Variants in WDR37 observed in about 807,000 individuals in gnomAD.
WDR37 encodes WD repeat-containing protein 37.
Under a neutral mutation model 62.9 loss-of-function variants are expected in WDR37, and 19 were observed. The observed-to-expected ratio is 0.30, with a 90% CI of 0.21 to 0.44. The LOEUF (loss-of-function observed/expected upper bound fraction) is 0.44. Ranked by LOEUF, WDR37 falls within the 20% of genes least tolerant of loss-of-function variation. The probability of loss-of-function intolerance (pLI) is 1.00; values close to 1 mark genes in which losing one functional copy is unlikely to be tolerated. For synonymous variants in WDR37, 250 were observed against 260.9 expected, an observed-to-expected ratio of 0.96 and a Z score of 0.40; for missense variants, 474 against 657.6, an observed-to-expected ratio of 0.72 and a Z score of 3.05.
chr10:1,127,955 C>T (rs780111059), intron 13 of WDR37, among the ~76,000 whole-genome samples: 9 of 152,242 alleles, frequency 5.9e-5, no homozygotes, highest in Non-Finnish European at 1.0e-4. Flanking sequence ...ACTTCTGCAG[C>T]GAATGCCTTG....
intron 9 of WDR37, among the ~76,000 whole-genome samples, chr10:1,098,133 G>A (rs1226099997): frequency 6.6e-6 from 1 of 152,138 alleles, no homozygotes; most frequent in East Asian, 1.9e-4. Context: ...CTGTGTTGAA[G>A]CCCTAACCCC....
chr10:1,071,862 T>G (rs1301565128), intron 1 of WDR37, among the ~76,000 whole-genome samples: 1 of 152,150 alleles, frequency 6.6e-6, no homozygotes. Flanking sequence ...AGCAATTTTT[T>G]TTTTAAATTT....
At chr10:1,110,206 C>T (rs1156249917) in intron 11 of WDR37, among the ~76,000 whole-genome samples, 1 of 152,176 alleles carries the variant, frequency 6.6e-6, no homozygotes, top group African/African-American at 2.4e-5. Flanking sequence ...TTGAGCTTCC[C>T]CTCACCGGCC....
intron 5 of WDR37, among the ~76,000 whole-genome samples, chr10:1,084,162 GTGGGGGAGCC>G (rs1442154528): frequency 6.6e-6 from 1 of 152,168 alleles, no homozygotes; most frequent in Non-Finnish European, 1.5e-5. Context: ...TCAGACTGAG[GTGGGGGAGCC>G]TGCACAGGTC....
intron 1 of WDR37, among the ~76,000 whole-genome samples, chr10:1,068,996 C>G (rs1041404722): frequency 4.6e-5 from 7 of 152,064 alleles, no homozygotes; most frequent in Non-Finnish European, 1.0e-4. Flanking sequence ...CAGGCAGATT[C>G]ATATGGAGAG....
intron 11 of WDR37, among the ~76,000 whole-genome samples, chr10:1,107,896 C>T (rs1292470943): frequency 6.6e-6 from 1 of 150,532 alleles, no homozygotes; most frequent in African/African-American, 2.5e-5. Context: ...TGTATTGCAG[C>T]ACTGCTGTCT....
At chr10:1,088,707 AG>A (rs927070753) in intron 7 of WDR37, among the ~76,000 whole-genome samples, 1 of 152,038 alleles carries the variant, frequency 6.6e-6, no homozygotes, top group African/African-American at 2.4e-5. Context: ...AAAAAAAAAA[AG>A]AAAAAGTTTG....
intron 9 of WDR37, among the ~76,000 whole-genome samples, chr10:1,098,517 G>C (rs1233775629): frequency 6.6e-6 from 1 of 152,082 alleles, no homozygotes; most frequent in Admixed American, 6.6e-5. Flanking sequence ...TAGTAGAGAT[G>C]GGGTTTCACC....
chr10:1,122,013 C>T (rs1835596339), intron 11 of WDR37, among the ~76,000 whole-genome samples: 1 of 152,250 alleles, frequency 6.6e-6, no homozygotes, highest in Admixed American at 6.5e-5. Context: ...TAGGACTCAG[C>T]TGGTGTCCAC....
chr10:1,102,068 G>A, intron 9 of WDR37, among the ~76,000 whole-genome samples: 1 of 150,292 alleles, frequency 6.7e-6, no homozygotes, highest in African/African-American at 2.5e-5. Flanking sequence ...GTGCGTCCAT[G>A]TGACATGTTT....
intron 12 of WDR37, 80 bp from the exon 13 acceptor site, chr10:1,124,830 T>G (rs1310284343): frequency 1.3e-6 from 2 of 1,540,232 alleles, no homozygotes; most frequent in Admixed American, 1.9e-5. Context: ...ATATGGAACC[T>G]CCTGCTTCAT....
chr10:1,084,574 C>T (rs369514210), intron 6 of WDR37, 36 bp downstream of exon 6: 45 of 1,600,666 alleles, frequency 2.8e-5, no homozygotes, highest in African/African-American at 4.0e-5. Context: ...CCTGCGGAAG[C>T]ATGGCTGTGC....
chr10:1,098,767 C>T (rs916717381), intron 9 of WDR37, among the ~76,000 whole-genome samples: 2 of 152,208 alleles, frequency 1.3e-5, no homozygotes, highest in Non-Finnish European at 1.5e-5. Flanking sequence ...TGGAAGATGA[C>T]TAATTTCTGT....
intron 7 of WDR37, among the ~76,000 whole-genome samples, chr10:1,088,908 C>T (rs565373539): frequency 2.0e-5 from 3 of 152,234 alleles, no homozygotes; most frequent in Admixed American, 6.5e-5. Context: ...CACACATAGA[C>T]GTGTACATAC....
chr10:1,089,443 T>G (rs975316575), intron 7 of WDR37, among the ~76,000 whole-genome samples: 2 of 152,122 alleles, frequency 1.3e-5, no homozygotes, highest in Admixed American at 6.5e-5. Context: ...TTTTTGCTGT[T>G]TATCTGCAGC....
In WDR37 at chr10:1,131,683, GGTGTGTGTGTGTGTGTGT is replaced by G. The variant is rs58548853; in HGVS notation, c.*2351_*2368del. 7.5e-6 allele frequency: 1 copy of G among 133,746 alleles called. No homozygotes were observed. Among genetic ancestry groups the G allele is most frequent in the African/African-American group, 2.5e-5 (1 of 39,900 alleles). 8.3% of individuals were successfully genotyped at this position (133,746 alleles called of 1,614,324 possible). A position where few individuals can be genotyped will look rare whatever the true frequency, so the allele number is the denominator to read the frequency against. On this transcript the variant is annotated 3_prime_UTR_variant, in exon 14 of 14. Transcript: ENST00000263150. ...AGGAGTCACAGACAAGATCGGGGAT[GGTGTGTGTGTGTGTGTGT>G]GTGTGTGTGTGCACGTGTGTGTGGC...
chr10:1,110,168 C>CG (rs1835166090), intron 11 of WDR37, among the ~76,000 whole-genome samples: 1 of 152,160 alleles, frequency 6.6e-6, no homozygotes, highest in Admixed American at 6.5e-5. Flanking sequence ...GTTGCTGTGT[C>CG]GGGGCGAGTC....
intron 11 of WDR37, among the ~76,000 whole-genome samples, chr10:1,112,000 CAAGCG>C (rs913189549): frequency 1.3e-5 from 2 of 151,968 alleles, no homozygotes; most frequent in African/African-American, 4.8e-5. Flanking sequence ...CTCCTGGGTT[CAAGCG>C]ATTCCCCTGC....
chr10:1,084,668 C>T (rs1834141957), intron 6 of WDR37, 130 bp downstream of exon 6: 1 of 1,322,356 alleles, frequency 7.6e-7, no homozygotes, highest in African/African-American at 1.5e-5. Context: ...CAGTGGAACC[C>T]CCCACACATT....
Sources: allele counts gnomAD v4.1 joint callset (sites outside exome capture counted in the v4.1 genomes callset), GRCh38; gene constraint gnomAD v4.1.1; transcripts MANE v1.5; gene names NCBI Gene and HGNC (gene_info 2026-07-23, HGNC 2026-07-21).